Variants in SNX10 observed in about 807,000 individuals in gnomAD.
The protein encoded by SNX10 is sorting nexin 10.
A neutral mutation model predicts 28.5 loss-of-function variants in SNX10; 25 were observed. That is an observed-to-expected ratio of 0.88 (90% CI 0.64 to 1.22). SNX10 has a LOEUF of 1.22. Among genes scored for constraint, SNX10 ranks in the 50% most tolerant of loss-of-function variants. SNX10 has a pLI of 0.00. For synonymous variants in SNX10, 62 were observed against 81.4 expected, an observed-to-expected ratio of 0.76 and a Z score of 1.28; for missense variants, 223 against 242.6, an observed-to-expected ratio of 0.92 and a Z score of 0.54.
chr7:26,325,319 A>ATATATATATATATATATT (rs1174472770), intron 1 of SNX10, among the ~76,000 whole-genome samples: 1 of 114,828 alleles, frequency 8.7e-6, no homozygotes, highest in African/African-American at 2.9e-5. Flanking sequence ...ATATATATAT[A>ATATATATATATATATATT]TATATATATT....
chr7:26,353,894 AT>A (rs995294534), intron 2 of SNX10, among the ~76,000 whole-genome samples: 7 of 152,252 alleles, frequency 4.6e-5, no homozygotes, highest in Admixed American at 2.0e-4. Flanking sequence ...AGGAAAAAAA[AT>A]GTCCCAAGAA....
At chr7:26,348,618 T>G (rs1460075922) in intron 2 of SNX10, among the ~76,000 whole-genome samples, 1 of 152,200 alleles carries the variant, frequency 6.6e-6, no homozygotes, top group Non-Finnish European at 1.5e-5. Flanking sequence ...GCAGAGTCAC[T>G]TGGTGTAGCT....
chr7:26,317,068 C>G (rs189788949), intron 1 of SNX10, among the ~76,000 whole-genome samples: 6 of 152,262 alleles, frequency 3.9e-5, no homozygotes, highest in Non-Finnish European at 4.4e-5. Flanking sequence ...AGGAGCCATG[C>G]CATTTGTAAT....
intron 1 of SNX10, among the ~76,000 whole-genome samples, chr7:26,297,990 G>A (rs1786177709): frequency 6.6e-6 from 1 of 152,202 alleles, no homozygotes; most frequent in African/African-American, 2.4e-5. Flanking sequence ...CAGCACTTTG[G>A]GAGGCCGAGG....
At chr7:26,361,610 ATGT>A (rs1251643837) in intron 3 of SNX10, among the ~76,000 whole-genome samples, 1 of 152,186 alleles carries the variant, frequency 6.6e-6, no homozygotes, top group African/African-American at 2.4e-5. Context: ...TCTCTTGAAA[ATGT>A]TGTGTGGTGT....
chr7:26,327,166 G>C (rs1787532991), intron 1 of SNX10, among the ~76,000 whole-genome samples: 1 of 152,072 alleles, frequency 6.6e-6, no homozygotes, highest in African/African-American at 2.4e-5. Context: ...GGCTAGGCTT[G>C]TCTCAAACTC....
intron 2 of SNX10, among the ~76,000 whole-genome samples, 162 bp downstream of exon 2, chr7:26,346,628 C>T (rs896786650): frequency 1.3e-5 from 2 of 152,192 alleles, no homozygotes; most frequent in Admixed American, 6.5e-5. Context: ...ACCATTGGTG[C>T]CTGCATAGCC....
intron 1 of SNX10, among the ~76,000 whole-genome samples, chr7:26,345,183 G>A (rs1788333979): frequency 6.6e-6 from 1 of 152,176 alleles, no homozygotes; most frequent in Non-Finnish European, 1.5e-5. Context: ...CACATTCACA[G>A]GTTCTGTGGA....
At chr7:26,371,322 C>G (rs536589283) in intron 5 of SNX10, among the ~76,000 whole-genome samples, 1 of 152,116 alleles carries the variant, frequency 6.6e-6, no homozygotes, top group African/African-American at 2.4e-5. Context: ...CGTAAACATG[C>G]CCTTAAGTAT....
At chr7:26,299,119 T>C (rs1786219849) in intron 1 of SNX10, among the ~76,000 whole-genome samples, 1 of 152,074 alleles carries the variant, frequency 6.6e-6, no homozygotes, top group South Asian at 2.1e-4. Context: ...AAGGATGATA[T>C]GCCCCTAATT....
intron 1 of SNX10, among the ~76,000 whole-genome samples, chr7:26,302,087 G>A (rs1786391440): frequency 6.6e-6 from 1 of 152,088 alleles, no homozygotes; most frequent in South Asian, 2.1e-4. Context: ...AAATACCTCA[G>A]AGCATTTTAA....
rs1562826295 is a variant in SNX10 at position 26,372,907 on chromosome 7, A to C, written c.*335A>C. On this transcript the variant is annotated 3_prime_UTR_variant, in exon 7 of 7. Coordinates refer to ENST00000338523, the MANE Select transcript of SNX10 (RefSeq NM_013322.3). ...TTAAAAAGATAGGTAACTAAGTAGC[A>C]TTTAAAATCAAGATAGAGCATTCCT... 1 of 225,416 alleles carries C rather than the reference A, an allele frequency of 4.4e-6. No homozygotes were observed. The highest frequency in any genetic ancestry group is 8.9e-6 in the Non-Finnish European group (1 of 112,838). 14.0% of individuals were successfully genotyped at this position (225,416 alleles called of 1,614,324 possible). A position where few individuals can be genotyped will look rare whatever the true frequency, so the allele number is the denominator to read the frequency against.
At chr7:26,347,587 T>G (rs889366344) in intron 2 of SNX10, among the ~76,000 whole-genome samples, 1 of 152,172 alleles carries the variant, frequency 6.6e-6, no homozygotes, top group Admixed American at 6.5e-5. Flanking sequence ...CCATGACTCA[T>G]GCCTGTAATC....
chr7:26,371,859 T>C lies in SNX10; in HGVS notation c.350T>C (p.Leu117Pro). The C allele has an allele frequency of 6.2e-7, 1 of 1,613,668 alleles. No individual in the cohort carries two copies. The highest frequency in any genetic ancestry group is 2.2e-5 in the East Asian group (1 of 44,856). ...QNALLLSDSS[L>P]HLFLQSHLNS... ...GCACTTTTGCTTTCAGATAGCAGCC[T>C]TCACCTCTTCTTACAGAGCCATCTG... is the stretch of plus-strand genomic sequence containing the variant. The change falls in exon 6 of 7, where the codon CTT becomes CCT. Residue 117 changes from leucine (L) to proline (P), a missense_variant. Leu to Pro is a moderately conservative substitution (Grantham distance 98). Transcript: ENST00000338523.
intron 1 of SNX10, among the ~76,000 whole-genome samples, chr7:26,330,247 C>T (rs987157894): frequency 3.9e-5 from 6 of 151,930 alleles, no homozygotes; most frequent in South Asian, 2.1e-4. Flanking sequence ...GTGGAGGGGT[C>T]GGCAAAGCCA....
At chr7:26,369,831 G>A (rs1436101748) in intron 5 of SNX10, among the ~76,000 whole-genome samples, 1 of 152,182 alleles carries the variant, frequency 6.6e-6, no homozygotes, top group African/African-American at 2.4e-5. Context: ...TAGCCTTGAG[G>A]TCCCGATCAA....
chr7:26,314,745 A>T (rs1787002246), intron 1 of SNX10, among the ~76,000 whole-genome samples: 1 of 152,156 alleles, frequency 6.6e-6, no homozygotes, highest in African/African-American at 2.4e-5. Context: ...CATGCCTGTA[A>T]TCCCAGCACT....
chr7:26,365,255 C>G, intron 5 of SNX10, 110 bp downstream of exon 5: 1 of 687,486 alleles, frequency 1.5e-6, no homozygotes. Context: ...TGCAAATAAT[C>G]TGCACTAGAG....
intron 1 of SNX10, among the ~76,000 whole-genome samples, chr7:26,309,573 G>A (rs563783743): frequency 5.9e-5 from 9 of 152,202 alleles, no homozygotes; most frequent in Admixed American, 1.3e-4. Context: ...TAAGTATTAC[G>A]TCTTTTCAGG....
Sources: gnomAD v4.1 joint callset for allele counts (sites outside exome capture counted in the v4.1 genomes callset) on GRCh38, gnomAD v4.1.1 for gene constraint, MANE v1.5 for transcripts, NCBI Gene and HGNC (gene_info 2026-07-23, HGNC 2026-07-21) for gene names.